The following SYNPR variants were observed in gnomAD, a reference collection of about 807,000 sequenced individuals.
The protein encoded by SYNPR is synaptoporin.
Under a neutral mutation model 32.9 loss-of-function variants are expected in SYNPR, and 23 were observed. That is an observed-to-expected ratio of 0.70 (90% confidence interval 0.50 to 0.99). The LOEUF is 0.99. SYNPR is among the 50% of genes least tolerant of loss of function. SYNPR has a pLI of 0.00. For synonymous variants in SYNPR, 146 were observed against 135.9 expected, an observed-to-expected ratio of 1.07 and a Z score of -0.52; for missense variants, 318 against 349.3, an observed-to-expected ratio of 0.91 and a Z score of 0.71.
intron 3 of SYNPR, among the ~76,000 whole-genome samples, chr3:63,527,132 G>T (rs1702027525): frequency 6.6e-6 from 1 of 152,048 alleles, no homozygotes; most frequent in South Asian, 2.1e-4. Flanking sequence ...CTAGACTGAG[G>T]GACAGCCAGA....
chr3:63,497,177 C>T (rs1418239096), intron 3 of SYNPR, among the ~76,000 whole-genome samples: 1 of 152,084 alleles, frequency 6.6e-6, no homozygotes, highest in Non-Finnish European at 1.5e-5. Flanking sequence ...GACAAATCAC[C>T]CAAATTAACA....
intron 2 of SYNPR, among the ~76,000 whole-genome samples, chr3:63,420,720 C>T (rs775239787): frequency 7.9e-5 from 12 of 151,294 alleles, no homozygotes; most frequent in Admixed American, 1.3e-4. Flanking sequence ...TTTTATATGA[C>T]GAAGGATATC....
At chr3:63,301,045 A>G (rs959899113) in intron 2 of SYNPR, among the ~76,000 whole-genome samples, 2 of 152,124 alleles carry the variant, frequency 1.3e-5, no homozygotes, top group African/African-American at 4.8e-5. Flanking sequence ...GGAAAAGAGA[A>G]CTGGATTTGA....
At chr3:63,278,261 T>G (rs2086594404), upstream of SYNPR, 4 of 446,904 alleles carry the variant, frequency 9.0e-6, no homozygotes, top group Non-Finnish European at 1.6e-5. Context: ...CTCCATGGGT[T>G]TCCCCCTCCC....
chr3:63,532,233 G>C (rs73831884), intron 3 of SYNPR, among the ~76,000 whole-genome samples: 3 of 152,068 alleles, frequency 2.0e-5, no homozygotes, highest in East Asian at 1.9e-4. Context: ...TCTTTCAATC[G>C]TATGTTCCCT....
the SYNPR span, among the ~76,000 whole-genome samples, chr3:63,201,402 G>A: frequency 3.5e-3 from 538 of 152,030 alleles, 13 homozygotes; most frequent in East Asian, 0.057. Context: ...TGCTGCTTAG[G>A]TACAGAATCA....
intron 4 of SYNPR, among the ~76,000 whole-genome samples, chr3:63,601,286 A>G (rs1575732181): frequency 6.6e-6 from 1 of 152,026 alleles, no homozygotes. Context: ...AAAAAAAAAA[A>G]GAAAAGAAAA....
intron 2 of SYNPR, among the ~76,000 whole-genome samples, chr3:63,339,908 C>T (rs2087342401): frequency 6.6e-6 from 1 of 152,116 alleles, no homozygotes; most frequent in Non-Finnish European, 1.5e-5. Context: ...CTGCCCGCCT[C>T]GGCCTCCCAA....
At chr3:63,411,142 T>C (rs2088459743) in intron 2 of SYNPR, among the ~76,000 whole-genome samples, 1 of 152,150 alleles carries the variant, frequency 6.6e-6, no homozygotes, top group South Asian at 2.1e-4. Flanking sequence ...CAGAAAAGTT[T>C]CAAGCCAGAT....
intron 2 of SYNPR, among the ~76,000 whole-genome samples, chr3:63,332,974 C>A (rs1335062214): frequency 6.6e-6 from 1 of 152,010 alleles, no homozygotes; most frequent in Admixed American, 6.6e-5. Context: ...GCCCCATCTC[C>A]GCCACCAGTT....
rs147274885 is a variant in SYNPR at position 63,524,420 on chromosome 3, C to T, written c.210-32123C>T. On this transcript the variant is annotated intron_variant, in intron 3 of 5. Coordinates refer to ENST00000478300, the MANE Select transcript of SYNPR (RefSeq NM_001130003.2). ...GGTTCAGTGTCTTTCAGGATGGCTA[C>T]GAAGGAGAAAGTTTGGCAGGATCGC... Among the ~76,000 whole-genome samples, 79 of 152,208 alleles carry T rather than the reference C, an allele frequency of 5.2e-4. 1 individual carries two copies. The South Asian group carries it at 8.9e-3, about 17-fold the overall frequency.
upstream of SYNPR, among the ~76,000 whole-genome samples, chr3:63,277,580 T>C (rs1274674223): frequency 6.6e-6 from 1 of 152,244 alleles, no homozygotes; most frequent in Admixed American, 6.5e-5. Context: ...TAGCCTTTCA[T>C]GAGATGTTTT....
chr3:63,290,322 C>T (rs1049708189), intron 2 of SYNPR, among the ~76,000 whole-genome samples: 5 of 152,174 alleles, frequency 3.3e-5, no homozygotes, highest in Non-Finnish European at 5.9e-5. Flanking sequence ...TCACTCATTA[C>T]TCCTAGGTCT....
intron 2 of SYNPR, among the ~76,000 whole-genome samples, chr3:63,470,998 A>T (rs928888049): frequency 3.9e-5 from 6 of 152,214 alleles, no homozygotes; most frequent in African/African-American, 1.4e-4. Flanking sequence ...TCATTTCAGA[A>T]AATGAAAACA....
the SYNPR span, among the ~76,000 whole-genome samples, chr3:63,209,361 A>G: frequency 1.3e-5 from 2 of 151,926 alleles, no homozygotes; most frequent in Non-Finnish European, 2.9e-5. Context: ...CAGTGAGTGA[A>G]AGAATTAAAA....
At chr3:63,220,186 G>A in the SYNPR span, among the ~76,000 whole-genome samples, 332 of 152,350 alleles carry the variant, frequency 2.2e-3, no homozygotes, top group Non-Finnish European at 3.3e-3. Context: ...TAGTGAGACA[G>A]ATACTGCTGT....
chr3:63,564,645 G>A (rs1293703267), intron 4 of SYNPR, among the ~76,000 whole-genome samples: 1 of 152,188 alleles, frequency 6.6e-6, no homozygotes, highest in Non-Finnish European at 1.5e-5. Flanking sequence ...AGAATTGGCA[G>A]CACAGATGAA....
chr3:63,321,660 A>G (rs1158856203), intron 2 of SYNPR, among the ~76,000 whole-genome samples: 1 of 152,122 alleles, frequency 6.6e-6, no homozygotes, highest in Admixed American at 6.6e-5. Flanking sequence ...TTATTATTCA[A>G]TATCACATAG....
chr3:63,494,424 T>TATATACACACATAC lies in SYNPR; in HGVS notation c.209+13473_209+13474insCACACATACATATA, dbSNP rs1559516292. On this transcript the variant is annotated intron_variant, in intron 3 of 5. Coordinates refer to ENST00000478300, the MANE Select transcript of SYNPR (RefSeq NM_001130003.2). Reference sequence around the variant, plus strand: ...ATATATATATATATATATACGTATATATATATATACGTATATATATATACA... The same window carrying TATATACACACATAC: ...ATATATATATATATATATACGTATATATATACACACATACATATATATACGTATATATATATACA... Among the ~76,000 whole-genome samples, 138 of 139,700 alleles carry TATATACACACATAC rather than the reference T, an allele frequency of 9.9e-4. 5 individuals are homozygous for TATATACACACATAC. In the East Asian group the frequency reaches 0.019, roughly 19 times the overall value. 91.6% of individuals were successfully genotyped at this position (139,700 alleles called of 152,430 possible).
Sources: gnomAD v4.1 joint callset for allele counts (sites outside exome capture counted in the v4.1 genomes callset) on GRCh38, gnomAD v4.1.1 for gene constraint, MANE v1.5 for transcripts, NCBI Gene and HGNC (gene_info 2026-07-23, HGNC 2026-07-21) for gene names.